CNTLN: variants seen among roughly 807,000 people sequenced by gnomAD.
The protein encoded by CNTLN is centlein, centrosomal protein.
In CNTLN, 212 loss-of-function variants were observed where a neutral mutation model predicts 180.0. The ratio of observed to expected loss-of-function variants is 1.18; its 90% CI spans 1.05 to 1.32. The LOEUF (loss-of-function observed/expected upper bound fraction) is 1.32, where lower values mean the gene tolerates loss of function less well. Among genes scored for constraint, CNTLN ranks in the 40% most tolerant of loss-of-function variants. CNTLN has a pLI of 0.00. For synonymous variants in CNTLN, 722 were observed against 563.1 expected (o/e 1.28, Z -3.99); for missense variants, 2,095 against 1,610.9 (o/e 1.30, Z -5.14).
intron 23 of CNTLN, among the ~76,000 whole-genome samples, chr9:17,474,221 C>A (rs1366382632): frequency 6.6e-6 from 1 of 152,134 alleles, no homozygotes; most frequent in Admixed American, 6.5e-5. Context: ...TTGTGATTTT[C>A]ACTTGGATGT....
At chr9:17,150,778 G>T (rs142448757) in intron 2 of CNTLN, among the ~76,000 whole-genome samples, 1 of 152,118 alleles carries the variant, frequency 6.6e-6, no homozygotes, top group Middle Eastern at 3.4e-3. Context: ...CTTCCTATCC[G>T]TGAGCATGGA....
chr9:17,515,728 C>A, the CNTLN span, among the ~76,000 whole-genome samples: 1 of 152,196 alleles, frequency 6.6e-6, no homozygotes, highest in Admixed American at 6.5e-5. Context: ...CTGCCTTCCC[C>A]ATTTCCACTC....
chr9:17,230,797 G>T (rs1824764802), intron 3 of CNTLN, among the ~76,000 whole-genome samples: 1 of 151,992 alleles, frequency 6.6e-6, no homozygotes, highest in Non-Finnish European at 1.5e-5. Flanking sequence ...ATGAAAATGT[G>T]TCACCTCTTA....
intron 8 of CNTLN, among the ~76,000 whole-genome samples, chr9:17,320,951 C>G (rs542821329): frequency 3.3e-5 from 5 of 152,326 alleles, no homozygotes; most frequent in Non-Finnish European, 7.3e-5. Flanking sequence ...ACCAAGTTAT[C>G]TTCTCACAGT....
intron 2 of CNTLN, among the ~76,000 whole-genome samples, chr9:17,157,851 C>T (rs1013733332): frequency 6.6e-6 from 1 of 152,162 alleles, no homozygotes; most frequent in Admixed American, 6.6e-5. Context: ...TGCAAAGCAA[C>T]CACAGGTTGT....
At chr9:17,319,242 T>C (rs905203194) in intron 8 of CNTLN, among the ~76,000 whole-genome samples, 15 of 152,216 alleles carry the variant, frequency 9.9e-5, no homozygotes, top group African/African-American at 2.4e-4. Context: ...TCTGGCTAAG[T>C]ACTTCTTGTA....
At chr9:17,451,317 A>G (rs752370245) in intron 18 of CNTLN, among the ~76,000 whole-genome samples, 4 of 152,238 alleles carry the variant, frequency 2.6e-5, no homozygotes, top group African/African-American at 7.2e-5. Flanking sequence ...AAACACAATA[A>G]TAAGATTTTA....
intron 10 of CNTLN, among the ~76,000 whole-genome samples, chr9:17,336,811 C>A (rs1380455828): frequency 6.6e-6 from 1 of 152,134 alleles, no homozygotes; most frequent in African/African-American, 2.4e-5. Flanking sequence ...CACCCATCAA[C>A]CTGTCACCTA....
chr9:17,363,181 A>T (rs1823542291), intron 12 of CNTLN, among the ~76,000 whole-genome samples: 1 of 152,114 alleles, frequency 6.6e-6, no homozygotes, highest in South Asian at 2.1e-4. Flanking sequence ...TTGTGAACAA[A>T]CATACAAGTG....
chr9:17,173,528 A>G (rs1047516714), intron 2 of CNTLN, among the ~76,000 whole-genome samples: 1 of 152,190 alleles, frequency 6.6e-6, no homozygotes, highest in African/African-American at 2.4e-5. Flanking sequence ...TCTTGAGCTC[A>G]TAAGGGTTAA....
chr9:17,256,680 T>TTA (rs1159213741), intron 5 of CNTLN, among the ~76,000 whole-genome samples: 3 of 152,002 alleles, frequency 2.0e-5, no homozygotes, highest in African/African-American at 7.2e-5. Context: ...GAGGTTGGTT[T>TTA]TATAGACAGA....
intron 8 of CNTLN, among the ~76,000 whole-genome samples, chr9:17,321,384 T>G (rs9298773): frequency 1.4e-4 from 21 of 151,972 alleles, no homozygotes; most frequent in African/African-American, 4.4e-4. Flanking sequence ...CTCTGGACTC[T>G]GAGCTCCTTG....
chr9:17,319,791 A>T (rs989855023), intron 8 of CNTLN, among the ~76,000 whole-genome samples: 2 of 150,620 alleles, frequency 1.3e-5, no homozygotes, highest in Non-Finnish European at 3.0e-5. Context: ...GTAAATTGAG[A>T]TTTTTTTTTT....
chr9:17,520,358 GC>G, the CNTLN span, among the ~76,000 whole-genome samples: 2 of 152,182 alleles, frequency 1.3e-5, no homozygotes, highest in Admixed American at 6.5e-5. Context: ...GGAGCGTGGG[GC>G]TGAACAGCAG....
chr9:17,156,362 T>A (rs1056239432), intron 2 of CNTLN, among the ~76,000 whole-genome samples: 2 of 152,198 alleles, frequency 1.3e-5, no homozygotes, highest in Non-Finnish European at 2.9e-5. Context: ...CTATTATAAT[T>A]AAATATCTAG....
Position 17,339,714 on chromosome 9 carries a change from A to C in CNTLN, c.1645-1113A>C, listed in dbSNP as rs139256202. The stretch of plus-strand genomic sequence containing the variant: ...ATATTTGAAATTCTCATGAGGGAAG[A>C]AACTGGAGAAGTTACTTATTTTACT... On this transcript the variant is annotated intron_variant, in intron 10 of 25. Transcript: ENST00000380647. 3.6e-3 allele frequency among the ~76,000 whole-genome samples: 545 copies of C among 152,348 alleles called. 4 individuals carry two copies. The highest frequency in any genetic ancestry group is 0.013 in the African/African-American group (526 of 41,582).
chr9:17,241,214 T>A (rs1825470458), intron 5 of CNTLN, among the ~76,000 whole-genome samples: 1 of 152,208 alleles, frequency 6.6e-6, no homozygotes, highest in African/African-American at 2.4e-5. Flanking sequence ...AAGTCTTTAA[T>A]CCATTGTGAT....
At chr9:17,178,906 G>A (rs1587022396) in intron 2 of CNTLN, among the ~76,000 whole-genome samples, 2 of 152,204 alleles carry the variant, frequency 1.3e-5, no homozygotes, top group South Asian at 4.1e-4. Context: ...CGCCGAGAGC[G>A]AGGGAGGGCT....
intron 9 of CNTLN, among the ~76,000 whole-genome samples, chr9:17,332,347 T>A (rs1820700708): frequency 6.6e-6 from 1 of 152,104 alleles, no homozygotes. Flanking sequence ...AACCCTTTAG[T>A]CTTCCCTAAT....
Sources: allele counts gnomAD v4.1 joint callset (sites outside exome capture counted in the v4.1 genomes callset), GRCh38; gene constraint gnomAD v4.1.1; transcripts MANE v1.5; gene names NCBI Gene and HGNC (gene_info 2026-07-23, HGNC 2026-07-21).